The following SLC9D1 variants were observed in gnomAD, a reference collection of about 807,000 sequenced individuals.
SLC9D1 encodes the protein solute carrier family 9 member D1.
chr13:113,508,315 G>T, the SLC9D1 span, among the ~76,000 whole-genome samples: 2 of 152,236 alleles, frequency 1.3e-5, no homozygotes, highest in African/African-American at 4.8e-5. Context: ...GTCCCTTGAG[G>T]GTTAGGAAGA....
the SLC9D1 span, among the ~76,000 whole-genome samples, chr13:113,525,453 T>C: frequency 6.6e-6 from 1 of 152,268 alleles, no homozygotes; most frequent in African/African-American, 2.4e-5. Flanking sequence ...TTTACTATAC[T>C]TTTTATCGTT....
chr13:113,525,150 C>G, the SLC9D1 span, among the ~76,000 whole-genome samples: 1 of 152,212 alleles, frequency 6.6e-6, no homozygotes. Flanking sequence ...TTAGCTCCCT[C>G]CCCCTGCCCA....
At chr13:113,548,219 G>A in the SLC9D1 span, 3 of 1,478,476 alleles carry the variant, frequency 2.0e-6, no homozygotes, top group Admixed American at 6.8e-5. Context: ...CGTGCCTGTG[G>A]CTCGTCTGGG....
chr13:113,549,279 C>T, the SLC9D1 span: 1 of 922,602 alleles, frequency 1.1e-6, no homozygotes, highest in African/African-American at 1.6e-5. Flanking sequence ...GGCATCCCTC[C>T]CAGCACTCAG....
chr13:113,534,256 T>C, the SLC9D1 span: 6 of 1,590,142 alleles, frequency 3.8e-6, no homozygotes, highest in Admixed American at 1.0e-4. Flanking sequence ...TCTCAAACTA[T>C]GTGTTATTTA....
At chr13:113,547,875 G>A in the SLC9D1 span, among the ~76,000 whole-genome samples, 13 of 151,704 alleles carry the variant, frequency 8.6e-5, no homozygotes, top group African/African-American at 2.9e-4. Flanking sequence ...TGTGATGATC[G>A]TTGGACCACT....
the SLC9D1 span, chr13:113,535,161 A>T: frequency 6.6e-6 from 1 of 152,274 alleles, no homozygotes; most frequent in African/African-American, 2.4e-5. This position sits in a 1 kb window ranked among gnomAD's most constrained non-coding sequence, Gnocchi z 4.1. Flanking sequence ...AAATTTTCAA[A>T]TAGCTTTGCA....
the SLC9D1 span, among the ~76,000 whole-genome samples, chr13:113,531,595 C>T: frequency 1.0e-3 from 141 of 140,612 alleles, 1 homozygote; most frequent in African/African-American, 3.7e-3. Flanking sequence ...AGATCAAGAG[C>T]AGCACACGCG....
At chr13:113,506,502 A>G in the SLC9D1 span, among the ~76,000 whole-genome samples, 1 of 151,984 alleles carries the variant, frequency 6.6e-6, no homozygotes. Flanking sequence ...GTCCCACGAG[A>G]CTCCGTAAAA....
At chr13:113,531,654 G>A in the SLC9D1 span, among the ~76,000 whole-genome samples, 1 of 150,552 alleles carries the variant, frequency 6.6e-6, no homozygotes, top group African/African-American at 2.4e-5. Context: ...ATCAAGAGCA[G>A]CACGCGTGTG....
At chr13:113,506,236 T>G in the SLC9D1 span, among the ~76,000 whole-genome samples, 4 of 95,266 alleles carry the variant, frequency 4.2e-5, no homozygotes, top group Non-Finnish European at 7.6e-5. Context: ...CTGCCTGGCC[T>G]GTGGAGGAAG....
the SLC9D1 span, among the ~76,000 whole-genome samples, chr13:113,502,666 C>T: frequency 1.3e-5 from 2 of 152,228 alleles, no homozygotes; most frequent in Non-Finnish European, 2.9e-5. Context: ...GCTGTCTCCC[C>T]ACAACACTCA....
chr13:113,529,492 T>A, the SLC9D1 span: 1 of 151,838 alleles, frequency 6.6e-6, no homozygotes, highest in South Asian at 2.1e-4. Flanking sequence ...CTACTAAAAA[T>A]ACAAAAAATT....
the SLC9D1 span, chr13:113,498,480 G>A: frequency 2.9e-5 from 47 of 1,593,612 alleles, no homozygotes; most frequent in Non-Finnish European, 2.4e-5. Context: ...GGATCGTCTG[G>A]AGGAAGAGAT....
the SLC9D1 span, among the ~76,000 whole-genome samples, chr13:113,537,318 G>T: frequency 6.6e-6 from 1 of 152,120 alleles, no homozygotes; most frequent in South Asian, 2.1e-4. Context: ...TCCCCATGGC[G>T]CTCAGTTCTC....
the SLC9D1 span, among the ~76,000 whole-genome samples, chr13:113,497,869 T>C: frequency 0.19 from 28,435 of 152,276 alleles, 3,539 homozygotes; most frequent in African/African-American, 0.35. Flanking sequence ...GCCAGCATCA[T>C]CCATCAGTTC....
the SLC9D1 span, among the ~76,000 whole-genome samples, chr13:113,546,925 T>A: frequency 6.6e-6 from 1 of 152,010 alleles, no homozygotes; most frequent in African/African-American, 2.4e-5. This position sits in a 1 kb window ranked among gnomAD's most constrained non-coding sequence, Gnocchi z 7.1. Context: ...GTGGCACTCC[T>A]GGGCACTCCT....
At chr13:113,507,112 G>T in the SLC9D1 span, among the ~76,000 whole-genome samples, 5 of 152,024 alleles carry the variant, frequency 3.3e-5, no homozygotes, top group African/African-American at 7.3e-5. Context: ...TCTGTGTCTG[G>T]GATGTGCGGG....
At chr13:113,513,154 G>A in the SLC9D1 span, among the ~76,000 whole-genome samples, 29 of 152,300 alleles carry the variant, frequency 1.9e-4, no homozygotes, top group South Asian at 6.0e-3. Flanking sequence ...GCAAATAATT[G>A]GGCTGATAGG....
Sources: gnomAD v4.1 joint callset for allele counts (sites outside exome capture counted in the v4.1 genomes callset) on GRCh38, gnomAD v4.1.1 for gene constraint, Gnocchi (gnomAD v3.1) non-coding constraint, MANE v1.5 for transcripts, NCBI Gene and HGNC (gene_info 2026-07-23, HGNC 2026-07-21) for gene names.